The following CASC3 variants were observed in gnomAD, a reference collection of about 807,000 sequenced individuals.
CASC3 encodes the protein CASC3 exon junction complex subunit.
Under a neutral mutation model 80.5 loss-of-function variants are expected in CASC3, and 30 were observed. The observed-to-expected ratio is 0.37, with a 90% CI of 0.28 to 0.51. The LOEUF (loss-of-function observed/expected upper bound fraction) is 0.51, where lower values mean the gene tolerates loss of function less well. CASC3 is among the 20% of genes least tolerant of loss of function. The pLI is 0.94. For synonymous variants in CASC3, 312 were observed against 333.6 expected, an observed-to-expected ratio of 0.94 and a Z score of 0.70; for missense variants, 824 against 922.2, an observed-to-expected ratio of 0.89 and a Z score of 1.38.
At position 40,160,973 on chromosome 17, in the gene CASC3, C is replaced by T. The variant is rs148890730; in HGVS notation, c.298-780C>T. ...TAATGTGATATTTTTAAAATAGTGT[C>T]TTTTTTTTATTATTACTATTTTTTG... On this transcript the variant is annotated intron_variant, in intron 3 of 13. Transcript: ENST00000264645. 4.9e-3 allele frequency among the ~76,000 whole-genome samples: 742 copies of T among 151,408 alleles called. 7 individuals are homozygous for T. The highest frequency in any genetic ancestry group is 0.016 in the African/African-American group (682 of 41,340).
chr17:40,151,708 A>G (rs1195385727), intron 3 of CASC3, among the ~76,000 whole-genome samples: 1 of 151,608 alleles, frequency 6.6e-6, no homozygotes, highest in East Asian at 1.9e-4. Context: ...AAAAAAAAAA[A>G]AAAAAAGGAA....
chr17:40,152,968 G>A (rs1191463133), intron 3 of CASC3, among the ~76,000 whole-genome samples: 1 of 148,080 alleles, frequency 6.8e-6, no homozygotes, highest in African/African-American at 2.5e-5. Flanking sequence ...GTAGAGACAG[G>A]GTTTCACCAT....
intron 13 of CASC3, 102 bp downstream of exon 13, chr17:40,169,764 T>A (rs1161407885): frequency 1.5e-6 from 1 of 673,234 alleles, no homozygotes; most frequent in East Asian, 3.3e-5. Flanking sequence ...TTTTTTTTTT[T>A]TTTTTTTTTG....
At chr17:40,156,218 T>C (rs1203339233) in intron 3 of CASC3, among the ~76,000 whole-genome samples, 1 of 152,068 alleles carries the variant, frequency 6.6e-6, no homozygotes, top group Non-Finnish European at 1.5e-5. Flanking sequence ...ATCCTAGTCT[T>C]GAGGAGGAAA....
At chr17:40,166,907 C>T (rs373678362) in intron 8 of CASC3, 46 bp downstream of exon 8, 4 of 1,342,330 alleles carry the variant, frequency 3.0e-6, no homozygotes, top group Non-Finnish European at 4.2e-6. Context: ...CTGCCTGTTA[C>T]ACAGCTTGTT....
intron 3 of CASC3, among the ~76,000 whole-genome samples, chr17:40,153,288 G>T (rs984562027): frequency 6.6e-6 from 1 of 152,130 alleles, no homozygotes; most frequent in African/African-American, 2.4e-5. Flanking sequence ...GTTCCGTCTA[G>T]GTTCATCCAT....
chr17:40,171,763 A>G lies in CASC3; in HGVS notation c.*1358A>G. Reference sequence around the variant, plus strand: ...CCTTCTACAGAACCTGAGGGCAAAGATGGTGGCTGTGTCTCTCCCCGGTAA... The same window carrying G: ...CCTTCTACAGAACCTGAGGGCAAAGGTGGTGGCTGTGTCTCTCCCCGGTAA... On this transcript the variant is annotated 3_prime_UTR_variant, in exon 14 of 14. Transcript: ENST00000264645. 3 of 1,158,072 alleles carry G rather than the reference A, an allele frequency of 2.6e-6. No individual in the cohort carries two copies. The highest frequency in any genetic ancestry group is 3.2e-6 in the Non-Finnish European group (3 of 926,452). The allele number at this position is 1,158,072 out of a possible 1,614,324, so 71.7% of individuals were successfully genotyped here.
chr17:40,172,022 GAC>G lies in CASC3; in HGVS notation c.*1620_*1621del. 7.8e-7 allele frequency: 1 copy of G among 1,289,982 alleles called. No homozygotes were observed. Among genetic ancestry groups the G allele is most frequent in the Non-Finnish European group, 1.0e-6 (1 of 988,884 alleles). 79.9% of individuals were successfully genotyped at this position (1,289,982 alleles called of 1,614,324 possible). A position where few individuals can be genotyped will look rare whatever the true frequency, so the allele number is the denominator to read the frequency against. On this transcript the variant is annotated 3_prime_UTR_variant, in exon 14 of 14. Transcript: ENST00000264645. The stretch of plus-strand genomic sequence containing the variant: ...GCATGCCCAGATTCCCAGACCTTAA[GAC>G]ACTGTGAGAGTTGTCTCTGTTGGTC...
At chr17:40,157,028 G>A (rs1304091045) in intron 3 of CASC3, among the ~76,000 whole-genome samples, 2 of 149,842 alleles carry the variant, frequency 1.3e-5, no homozygotes, top group South Asian at 2.1e-4. Flanking sequence ...GAGTGATACA[G>A]TGAGACCCCA....
chr17:40,164,180 G>T lies in CASC3; in HGVS notation c.1471+14G>T, dbSNP rs1007921844. ...GGGAACTTCGAGGTAGGTATCATAG[G>T]ATTGGTGGCTAGCTTTTTCCCCTTT... is the stretch of plus-strand genomic sequence containing the variant. On this transcript the variant is annotated intron_variant, in intron 7 of 13. Coordinates refer to ENST00000264645, the MANE Select transcript of CASC3 (RefSeq NM_007359.5). 1 of 1,574,842 alleles carries T rather than the reference G, an allele frequency of 6.3e-7. No homozygotes were observed. Among genetic ancestry groups the T allele is most frequent in the Non-Finnish European group, 8.6e-7 (1 of 1,164,100 alleles).
intron 3 of CASC3, among the ~76,000 whole-genome samples, chr17:40,142,396 C>A (rs1988740936): frequency 6.6e-6 from 1 of 152,206 alleles, no homozygotes; most frequent in Admixed American, 6.5e-5. Flanking sequence ...CAGCTGGGTA[C>A]TGAATCCATC....
rs1393078924 is a variant in CASC3 at position 40,142,486 on chromosome 17, C to T, written c.297+879C>T. Among the ~76,000 whole-genome samples the T allele has an allele frequency of 1.2e-4, 18 of 152,306 alleles. 1 individual carries two copies. Among genetic ancestry groups the T allele is most frequent in the Non-Finnish European group, 2.9e-5 (2 of 68,034 alleles). Reference sequence around the variant, plus strand: ...AGAGAACAACAGTCAAGAAAGCCCACAGGGGCCGGGAGCAGTGGCTCACGC... The same window carrying T: ...AGAGAACAACAGTCAAGAAAGCCCATAGGGGCCGGGAGCAGTGGCTCACGC... On this transcript the variant is annotated intron_variant, in intron 3 of 13. Transcript: ENST00000264645.
At chr17:40,143,414 C>G (rs1988773669) in intron 3 of CASC3, among the ~76,000 whole-genome samples, 1 of 152,126 alleles carries the variant, frequency 6.6e-6, no homozygotes, top group Non-Finnish European at 1.5e-5. Flanking sequence ...CCACTGTACT[C>G]CAGCCTGGGC....
intron 7 of CASC3, among the ~76,000 whole-genome samples, chr17:40,164,659 A>T (rs1989399783): frequency 6.9e-6 from 1 of 145,154 alleles, no homozygotes; most frequent in African/African-American, 2.6e-5. Flanking sequence ...GTTGGCCAGG[A>T]TGGTCTTGAT....
Position 40,170,824 on chromosome 17 carries a change from A to G in CASC3, c.*419A>G. 1 of 984,642 alleles carries G rather than the reference A, an allele frequency of 1.0e-6. No homozygotes were observed. Among genetic ancestry groups the G allele is most frequent in the Non-Finnish European group, 1.2e-6 (1 of 829,218 alleles). 61.0% of individuals were successfully genotyped at this position (984,642 alleles called of 1,614,324 possible). On this transcript the variant is annotated 3_prime_UTR_variant, in exon 14 of 14. Coordinates refer to ENST00000264645, the MANE Select transcript of CASC3 (RefSeq NM_007359.5). ...TTTTAAAGCCTGGCTTCTTATCCTT[A>G]ATATTATTTTAATTTTTTCTCTTTG...
intron 5 of CASC3, 121 bp downstream of exon 5, chr17:40,162,274 A>T (rs1287530406): frequency 1.8e-5 from 20 of 1,094,608 alleles, no homozygotes; most frequent in Admixed American, 2.8e-5. Flanking sequence ...GATTATCCTT[A>T]TCGTACAAAT....
chr17:40,166,918 C>A, intron 8 of CASC3, 57 bp downstream of exon 8: 25 of 1,200,164 alleles, frequency 2.1e-5, no homozygotes, highest in Non-Finnish European at 2.9e-5. Flanking sequence ...ACAGCTTGTT[C>A]ATTGTTTAAA....
Position 40,167,770 on chromosome 17 carries a change from T to G in CASC3, c.1652-80T>G, listed in dbSNP as rs991230791. ...TTCGCATGGAATATTGAGAACATCT[T>G]TTAAAGGGCTTGGGGAACAAGGAGA... On this transcript the variant is annotated intron_variant, in intron 9 of 13. Transcript: ENST00000264645. 7 of 1,392,892 alleles carry G rather than the reference T, an allele frequency of 5.0e-6. No individual in the cohort carries two copies. The East Asian group carries it at 1.6e-4, about 32-fold the overall frequency. The allele number at this position is 1,392,892 out of a possible 1,614,324, so 86.3% of individuals were successfully genotyped here.
At chr17:40,159,514 T>C (rs982762532) in intron 3 of CASC3, among the ~76,000 whole-genome samples, 2 of 150,662 alleles carry the variant, frequency 1.3e-5, no homozygotes, top group Non-Finnish European at 3.0e-5. Flanking sequence ...TAGCTGGGAC[T>C]ACAGGCACGC....
Sources: gnomAD v4.1 joint callset for allele counts (sites outside exome capture counted in the v4.1 genomes callset) on GRCh38, gnomAD v4.1.1 for gene constraint, MANE v1.5 for transcripts, NCBI Gene and HGNC (gene_info 2026-07-23, HGNC 2026-07-21) for gene names.